Variants in KCNK12 observed in about 807,000 individuals in gnomAD.
KCNK12 encodes the protein potassium channel subfamily K member 12.
In KCNK12, 6 loss-of-function variants were observed where a neutral mutation model predicts 25.3. The ratio of observed to expected loss-of-function variants is 0.24; its 90% CI spans 0.13 to 0.47. KCNK12 has a LOEUF of 0.47. Ranked by LOEUF, KCNK12 falls within the 20% of genes least tolerant of loss-of-function variation. The probability of loss-of-function intolerance (pLI) is 0.99; values close to 1 mark genes in which losing one functional copy is unlikely to be tolerated. For synonymous variants in KCNK12, 331 were observed against 311.1 expected (o/e 1.06, Z -0.67); for missense variants, 444 against 661.7 (o/e 0.67, Z 3.61).
At chr2:47,545,480 T>A (rs1669293860) in intron 1 of KCNK12, among the ~76,000 whole-genome samples, 1 of 152,230 alleles carries the variant, frequency 6.6e-6, no homozygotes, top group Non-Finnish European at 1.5e-5. Context: ...TACAGATGGA[T>A]GTCTTTTCCC....
chr2:47,552,981 T>C (rs1669471477), intron 1 of KCNK12, among the ~76,000 whole-genome samples: 1 of 152,102 alleles, frequency 6.6e-6, no homozygotes, highest in South Asian at 2.1e-4. Context: ...TTTCTTTTGC[T>C]CCTTTCCAAA....
Position 47,557,166 on chromosome 2 carries a change from T to C in KCNK12, c.391+12775A>G, listed in dbSNP as rs547479464. ...AACTTACGTTGAAATCCAATGGCTA[T>C]TGTAAGACTTTTAAGAGGTGAGAAC... On this transcript the variant is annotated intron_variant, in intron 1 of 1. Transcript: ENST00000327876. This position sits in a 1 kb window ranked among gnomAD's most constrained non-coding sequence, Gnocchi z 4.9. 5.9e-5 allele frequency among the ~76,000 whole-genome samples: 9 copies of C among 152,344 alleles called. No homozygotes were observed. The South Asian group carries it at 1.7e-3, about 28-fold the overall frequency.
Position 47,533,236 on chromosome 2 carries a change from C to A in KCNK12, c.392-11428G>T, listed in dbSNP as rs1256856183. 7.6e-5 allele frequency among the ~76,000 whole-genome samples: 9 copies of A among 119,190 alleles called. No homozygotes were observed. The highest frequency in any genetic ancestry group is 3.1e-4 in the African/African-American group (9 of 29,302). The allele number at this position is 119,190 out of a possible 152,430, so 78.2% of individuals were successfully genotyped here. A position where few individuals can be genotyped will look rare whatever the true frequency, so the allele number is the denominator to read the frequency against. On this transcript the variant is annotated intron_variant, in intron 1 of 1. Transcript: ENST00000327876. The surrounding 1 kb of genome is among the most constrained non-coding windows in gnomAD (Gnocchi z 4.7). ...ATGTTGGCCAGGCTGGTCTCCAACT[C>A]CTGACCTCAGGTGATCTGCCCACCT... is the stretch of plus-strand genomic sequence containing the variant.
intron 1 of KCNK12, among the ~76,000 whole-genome samples, chr2:47,522,982 G>A (rs1668692316): frequency 6.6e-6 from 1 of 152,036 alleles, no homozygotes; most frequent in South Asian, 2.1e-4. Context: ...ACTAACTAAA[G>A]GACCCCAAAA....
chr2:47,567,772 T>A lies in KCNK12; in HGVS notation c.391+2169A>T, dbSNP rs147196994. On this transcript the variant is annotated intron_variant, in intron 1 of 1. Coordinates refer to ENST00000327876, the MANE Select transcript of KCNK12 (RefSeq NM_022055.2). Reference sequence around the variant, plus strand: ...ATAACCACATGCTTCAGTGTAGCCCTCCTACATTGCTTGCCTACATCTGAA... The same window carrying A: ...ATAACCACATGCTTCAGTGTAGCCCACCTACATTGCTTGCCTACATCTGAA... Among the ~76,000 whole-genome samples the A allele has an allele frequency of 7.4e-3, 1,124 of 152,296 alleles. 13 individuals carry two copies. The highest frequency in any genetic ancestry group is 0.025 in the African/African-American group (1,053 of 41,570).
intron 1 of KCNK12, among the ~76,000 whole-genome samples, chr2:47,544,373 A>G (rs1331600177): frequency 2.6e-5 from 4 of 152,228 alleles, no homozygotes; most frequent in African/African-American, 4.8e-5. Context: ...GGCATAAACC[A>G]TATTAGCTCT....
chr2:47,521,870 G>A, intron 1 of KCNK12, 62 bp from the exon 2 acceptor site: 1 of 1,413,350 alleles, frequency 7.1e-7, no homozygotes, highest in East Asian at 2.6e-5. Context: ...ACTGGGCGAG[G>A]GTGGGGGGTG....
intron 1 of KCNK12, chr2:47,527,814 A>G (rs1668821485): frequency 6.6e-6 from 1 of 152,318 alleles, no homozygotes; most frequent in African/African-American, 2.4e-5. Flanking sequence ...GGTAAGACCA[A>G]CATCCACCTA....
chr2:47,550,508 G>A (rs1254027193), intron 1 of KCNK12, among the ~76,000 whole-genome samples: 2 of 147,746 alleles, frequency 1.4e-5, no homozygotes, highest in Non-Finnish European at 3.0e-5. Context: ...TCAGCCTCCC[G>A]AGTAGCTGGG....
chr2:47,550,020 G>A (rs1209082129), intron 1 of KCNK12, among the ~76,000 whole-genome samples: 1 of 151,706 alleles, frequency 6.6e-6, no homozygotes, highest in East Asian at 1.9e-4. Flanking sequence ...GCTGAAAAAG[G>A]TTGAACTTGA....
intron 1 of KCNK12, among the ~76,000 whole-genome samples, chr2:47,531,159 G>A (rs1245644817): frequency 6.6e-6 from 1 of 152,184 alleles, no homozygotes; most frequent in Non-Finnish European, 1.5e-5. Context: ...TGGAAGAAGA[G>A]ATATTTGTGT....
intron 1 of KCNK12, among the ~76,000 whole-genome samples, chr2:47,559,832 T>C (rs1669627060): frequency 2.0e-5 from 3 of 152,126 alleles, no homozygotes; most frequent in Admixed American, 6.5e-5. Flanking sequence ...GTGGCACCAT[T>C]TGAGCTGGAT....
At chr2:47,523,485 C>T (rs1573623897) in intron 1 of KCNK12, among the ~76,000 whole-genome samples, 4 of 152,232 alleles carry the variant, frequency 2.6e-5, no homozygotes, top group Non-Finnish European at 1.5e-5. Context: ...TTGCTTCAGG[C>T]CCTTATCGTT....
intron 1 of KCNK12, among the ~76,000 whole-genome samples, chr2:47,523,988 G>A (rs187956968): frequency 1.3e-5 from 2 of 152,332 alleles, no homozygotes; most frequent in East Asian, 3.8e-4. Context: ...TTAAGCCTAT[G>A]TGCTAACAAT....
rs1392504939 is a variant in KCNK12 at position 47,510,973 on chromosome 2, T to C, written c.*9934A>G. ...GGTGGTATGACTGTGATATCCCTGC[T>C]TCTATAGTTGGCAACCAACATGTCC... On this transcript the variant is annotated 3_prime_UTR_variant, in exon 2 of 2. Coordinates refer to ENST00000327876, the MANE Select transcript of KCNK12 (RefSeq NM_022055.2). 2 of 152,212 alleles carry C rather than the reference T, an allele frequency of 1.3e-5. No individual in the cohort carries two copies. The highest frequency in any genetic ancestry group is 3.8e-4 in the East Asian group (2 of 5,206). The allele number at this position is 152,212 out of a possible 1,614,324, so 9.4% of individuals were successfully genotyped here.
rs181771018 is a variant in KCNK12 at position 47,540,872 on chromosome 2, C to T, written c.392-19064G>A. 2.3e-3 allele frequency among the ~76,000 whole-genome samples: 351 copies of T among 152,230 alleles called. No homozygotes were observed. The highest frequency in any genetic ancestry group is 7.8e-3 in the African/African-American group (324 of 41,534). ...AGGCTGAGGCAGGATTGTTTGAGCCCAGGAGGTCAAGGCTGGAGTGAGCTG... is the reference window on the plus strand; with the variant it reads ...AGGCTGAGGCAGGATTGTTTGAGCCTAGGAGGTCAAGGCTGGAGTGAGCTG... On this transcript the variant is annotated intron_variant, in intron 1 of 1. Coordinates refer to ENST00000327876, the MANE Select transcript of KCNK12 (RefSeq NM_022055.2). This position sits in a 1 kb window ranked among gnomAD's most constrained non-coding sequence, Gnocchi z 5.4.
At position 47,516,128 on chromosome 2, in the gene KCNK12, A is replaced by G. The variant is rs1668518611; in HGVS notation, c.*4779T>C. 6.6e-6 allele frequency among the ~76,000 whole-genome samples: 1 copy of G among 152,088 alleles called. No homozygotes were observed. Among genetic ancestry groups the G allele is most frequent in the Non-Finnish European group, 1.5e-5 (1 of 68,012 alleles). ...TCCAAAACTAGAATTCAGACCTCCT[A>G]GTTTCTAAGTGGACGCTCTTTCTAC... is the stretch of plus-strand genomic sequence containing the variant. On this transcript the variant is annotated 3_prime_UTR_variant, in exon 2 of 2. Transcript: ENST00000327876.
At chr2:47,535,480 G>T (rs150551309) in intron 1 of KCNK12, among the ~76,000 whole-genome samples, 6 of 152,288 alleles carry the variant, frequency 3.9e-5, no homozygotes, top group African/African-American at 1.2e-4. Flanking sequence ...TCTAATGGGG[G>T]TGGGGCTGGA....
chr2:47,511,420 C>G lies in KCNK12; in HGVS notation c.*9487G>C, dbSNP rs1668399637. Among the ~76,000 whole-genome samples the G allele has an allele frequency of 6.6e-6, 1 of 152,134 alleles. No homozygotes were observed. The highest frequency in any genetic ancestry group is 1.5e-5 in the Non-Finnish European group (1 of 68,038). On this transcript the variant is annotated 3_prime_UTR_variant, in exon 2 of 2. Transcript: ENST00000327876. This position sits in a 1 kb window ranked among gnomAD's most constrained non-coding sequence, Gnocchi z 4.3. ...TGCGCCTGCATATATGTATTTGGAC[C>G]AATGCTCTCATGTGTGCAAATACAT... is the stretch of plus-strand genomic sequence containing the variant.
Sources: gnomAD v4.1 joint callset for allele counts (sites outside exome capture counted in the v4.1 genomes callset) on GRCh38, gnomAD v4.1.1 for gene constraint, Gnocchi (gnomAD v3.1) non-coding constraint, MANE v1.5 for transcripts, NCBI Gene and HGNC (gene_info 2026-07-23, HGNC 2026-07-21) for gene names.